The following GRIN2A variants were observed in gnomAD, a reference collection of about 807,000 sequenced individuals.
GRIN2A encodes the protein glutamate receptor ionotropic, NMDA 2A.
Under a neutral mutation model 113.4 loss-of-function variants are expected in GRIN2A, and 22 were observed. The ratio of observed to expected loss-of-function variants is 0.19; its 90% confidence interval spans 0.14 to 0.28. GRIN2A has a LOEUF of 0.28. GRIN2A is among the 10% of genes least tolerant of loss of function. The pLI, the probability that GRIN2A is intolerant of heterozygous loss-of-function variation, is 1.00. For missense variants in GRIN2A, 1,502 were observed against 1,887.0 expected (o/e 0.80, Z 3.78); for synonymous variants, 827 against 738.4 (o/e 1.12, Z -1.94).
At chr16:10,128,111 C>T (rs1347138790) in intron 2 of GRIN2A, among the ~76,000 whole-genome samples, 5 of 152,178 alleles carry the variant, frequency 3.3e-5, no homozygotes, top group Admixed American at 3.3e-4. Context: ...TTATTTTCAT[C>T]CATTGTTGCT....
chr16:9,834,331 T>A, intron 7 of GRIN2A, 101 bp from the exon 8 acceptor site: 1 of 1,067,628 alleles, frequency 9.4e-7, no homozygotes, highest in Non-Finnish European at 1.5e-6. Context: ...CCAAAAATAT[T>A]TTCTCTAATT....
intron 3 of GRIN2A, among the ~76,000 whole-genome samples, chr16:9,930,789 A>G (rs986441683): frequency 1.3e-5 from 2 of 152,224 alleles, no homozygotes; most frequent in Non-Finnish European, 2.9e-5. Context: ...CAGGTTTAGC[A>G]CAGTCTCTTA....
chr16:9,793,386 C>T (rs1020155093), intron 11 of GRIN2A, among the ~76,000 whole-genome samples: 7 of 152,106 alleles, frequency 4.6e-5, no homozygotes, highest in Admixed American at 3.3e-4. Context: ...TCAAACCCCA[C>T]AATCATTTTT....
At chr16:10,017,507 T>C (rs2046633391) in intron 2 of GRIN2A, among the ~76,000 whole-genome samples, 1 of 152,166 alleles carries the variant, frequency 6.6e-6, no homozygotes, top group African/African-American at 2.4e-5. Context: ...TCGAGCTATG[T>C]TAATTGCAAG....
At chr16:9,808,322 C>G (rs1013314376) in intron 10 of GRIN2A, among the ~76,000 whole-genome samples, 16 of 152,138 alleles carry the variant, frequency 1.1e-4, no homozygotes, top group Non-Finnish European at 1.5e-5. Flanking sequence ...AAGGTCCCAA[C>G]ACTGGATGTC....
At chr16:9,781,285 A>C (rs917752429) in intron 11 of GRIN2A, among the ~76,000 whole-genome samples, 4 of 152,188 alleles carry the variant, frequency 2.6e-5, no homozygotes, top group Non-Finnish European at 5.9e-5. Context: ...AGCAAAAAGA[A>C]CTGTAATGCC....
intron 2 of GRIN2A, among the ~76,000 whole-genome samples, chr16:10,017,116 A>G (rs1452381245): frequency 6.6e-6 from 1 of 152,244 alleles, no homozygotes; most frequent in African/African-American, 2.4e-5. Context: ...GACAATGAGC[A>G]GGTGATCAAG....
intron 2 of GRIN2A, among the ~76,000 whole-genome samples, chr16:9,967,016 C>T (rs776150011): frequency 1.3e-4 from 20 of 152,166 alleles, no homozygotes; most frequent in Non-Finnish European, 2.8e-4. Context: ...TAAGTTCTCA[C>T]GATGAAATTC....
intron 5 of GRIN2A, among the ~76,000 whole-genome samples, chr16:9,843,233 C>T (rs902841626): frequency 7.2e-5 from 11 of 152,066 alleles, no homozygotes; most frequent in Admixed American, 2.6e-4. Flanking sequence ...GTACATACTA[C>T]TTATGTAATT....
intron 12 of GRIN2A, among the ~76,000 whole-genome samples, chr16:9,765,469 T>A (rs911847470): frequency 6.6e-6 from 1 of 152,188 alleles, no homozygotes; most frequent in African/African-American, 2.4e-5. Context: ...GTGTCCTAAG[T>A]GGCCAATCAG....
intron 2 of GRIN2A, among the ~76,000 whole-genome samples, chr16:10,060,053 T>C (rs915831039): frequency 1.4e-4 from 22 of 152,046 alleles, no homozygotes; most frequent in Admixed American, 3.3e-4. Context: ...GACCACCTGA[T>C]AGGAATTGGG....
chr16:10,103,346 C>T (rs922926351), intron 2 of GRIN2A, among the ~76,000 whole-genome samples: 1 of 152,090 alleles, frequency 6.6e-6, no homozygotes, highest in East Asian at 1.9e-4. Context: ...AGCTGGGATG[C>T]AATTTGCAGA....
intron 3 of GRIN2A, among the ~76,000 whole-genome samples, chr16:9,896,798 C>T (rs750467561): frequency 1.4e-4 from 22 of 152,156 alleles, no homozygotes; most frequent in Non-Finnish European, 2.5e-4. Context: ...AAGGACAATC[C>T]ATATTTCCAT....
intron 7 of GRIN2A, among the ~76,000 whole-genome samples, chr16:9,839,530 C>T (rs2042637855): frequency 6.6e-6 from 1 of 152,112 alleles, no homozygotes; most frequent in Admixed American, 6.6e-5. Context: ...ACTTTTCAGA[C>T]TATTCCTATT....
chr16:10,073,797 TC>T (rs2047809873), intron 2 of GRIN2A, among the ~76,000 whole-genome samples: 1 of 150,268 alleles, frequency 6.7e-6, no homozygotes, highest in Non-Finnish European at 1.5e-5. Context: ...GTGCCTGTAA[TC>T]CCAGCTACTC....
At chr16:10,117,900 G>T (rs1197114905) in intron 2 of GRIN2A, among the ~76,000 whole-genome samples, 1 of 152,174 alleles carries the variant, frequency 6.6e-6, no homozygotes, top group African/African-American at 2.4e-5. Context: ...GTCCCTGCTT[G>T]CCCCTTTATC....
intron 2 of GRIN2A, among the ~76,000 whole-genome samples, chr16:9,983,724 C>T (rs1205563435): frequency 6.6e-6 from 1 of 152,166 alleles, no homozygotes; most frequent in African/African-American, 2.4e-5. Flanking sequence ...CAGGTGTGAG[C>T]CACCGCGCCC....
intron 4 of GRIN2A, among the ~76,000 whole-genome samples, chr16:9,859,580 C>A (rs547179241): frequency 6.7e-6 from 1 of 150,316 alleles, no homozygotes; most frequent in East Asian, 2.0e-4. Context: ...TACACACATA[C>A]CTAACACAAA....
Position 9,843,580 on chromosome 16 carries a change from G to A in GRIN2A, c.1329-2476C>T, listed in dbSNP as rs1463611662. ...TTCCTTTATCTCAGGATCACAGACT[G>A]CCTGTCTTGAATCACTCTCTTCACC... is the stretch of plus-strand genomic sequence containing the variant. On this transcript the variant is annotated intron_variant, in intron 5 of 12. Transcript: ENST00000330684. Among the ~76,000 whole-genome samples the A allele has an allele frequency of 2.0e-5, 3 of 152,180 alleles. No homozygotes were observed. In the East Asian group the frequency reaches 5.8e-4, roughly 29 times the overall value.
Sources: gnomAD v4.1 joint callset for allele counts (sites outside exome capture counted in the v4.1 genomes callset) on GRCh38, gnomAD v4.1.1 for gene constraint, MANE v1.5 for transcripts, NCBI Gene and HGNC (gene_info 2026-07-23, HGNC 2026-07-21) for gene names.